Variants in PDE7B observed in about 807,000 individuals in gnomAD.
The protein encoded by PDE7B is phosphodiesterase 7B.
A neutral mutation model predicts 56.2 loss-of-function variants in PDE7B; 29 were observed. The ratio of observed to expected loss-of-function variants is 0.52; its 90% CI spans 0.38 to 0.70. PDE7B has a LOEUF of 0.70. Among genes scored for constraint, PDE7B ranks in the 30% least tolerant of loss-of-function variants. PDE7B has a pLI of 0.00. For synonymous variants in PDE7B, 197 were observed against 196.9 expected (o/e 1.00, Z 0.00); for missense variants, 490 against 565.0 (o/e 0.87, Z 1.35).
chr6:135,918,027 G>A (rs147757261), intron 1 of PDE7B, among the ~76,000 whole-genome samples: 82 of 152,294 alleles, frequency 5.4e-4, no homozygotes, highest in Middle Eastern at 3.4e-3. Context: ...CCCTGGACAT[G>A]AACGAGGAGG....
At chr6:135,982,457 T>A (rs1775313562) in intron 2 of PDE7B, among the ~76,000 whole-genome samples, 1 of 152,262 alleles carries the variant, frequency 6.6e-6, no homozygotes, top group Middle Eastern at 3.4e-3. Flanking sequence ...AGGGAGAGAA[T>A]CTGTCTGGCC....
rs1022224381 is a variant in PDE7B, at chr6:136,194,583, T to G, written c.*2743T>G. The G allele has an allele frequency of 3.3e-5, 5 of 152,168 alleles. No homozygotes were observed. The highest frequency in any genetic ancestry group is 7.2e-5 in the African/African-American group (3 of 41,438). The allele number at this position is 152,168 out of a possible 1,614,324, so 9.4% of individuals were successfully genotyped here. On this transcript the variant is annotated 3_prime_UTR_variant, in exon 13 of 13. Coordinates refer to ENST00000308191, the MANE Select transcript of PDE7B (RefSeq NM_018945.4). The stretch of plus-strand genomic sequence containing the variant: ...TAGTGGCTGTCTTGCAATATTTCAA[T>G]AGGAGTCCAATTACTAGTTAAAACA...
intron 8 of PDE7B, among the ~76,000 whole-genome samples, chr6:136,157,091 T>G (rs1778621416): frequency 6.6e-6 from 1 of 152,150 alleles, no homozygotes; most frequent in African/African-American, 2.4e-5. Flanking sequence ...CTTGGGAAAT[T>G]TAAGTGTTTT....
intron 2 of PDE7B, among the ~76,000 whole-genome samples, chr6:136,103,615 C>T (rs1002498552): frequency 3.3e-5 from 5 of 152,200 alleles, no homozygotes; most frequent in African/African-American, 4.8e-5. Flanking sequence ...ATGAGAGCTG[C>T]TTCTTTCCCA....
chr6:136,135,611 G>T (rs1283007188), intron 3 of PDE7B, among the ~76,000 whole-genome samples: 2 of 151,966 alleles, frequency 1.3e-5, no homozygotes, highest in Non-Finnish European at 2.9e-5. Context: ...GACACAGTAA[G>T]AAATAAACAA....
In PDE7B at chr6:136,192,963, G is replaced by T. The variant is rs189166064; in HGVS notation, c.*1123G>T. ...AGGAAACATTTTGGAAACTTCACAT[G>T]CATTCCGCTTGAGACCATAGTGTTT... On this transcript the variant is annotated 3_prime_UTR_variant, in exon 13 of 13. Transcript: ENST00000308191. The T allele has an allele frequency of 1.7e-4, 26 of 152,330 alleles. No homozygotes were observed. The highest frequency in any genetic ancestry group is 5.8e-4 in the African/African-American group (24 of 41,550). The allele number at this position is 152,330 out of a possible 1,614,324, so 9.4% of individuals were successfully genotyped here. A position where few individuals can be genotyped will look rare whatever the true frequency, so the allele number is the denominator to read the frequency against.
At chr6:136,106,030 A>G (rs1190661189) in intron 2 of PDE7B, among the ~76,000 whole-genome samples, 1 of 151,902 alleles carries the variant, frequency 6.6e-6, no homozygotes, top group Non-Finnish European at 1.5e-5. Flanking sequence ...TTGTAGATAA[A>G]ATCTATACAG....
intron 2 of PDE7B, among the ~76,000 whole-genome samples, chr6:136,012,128 C>A (rs1369794544): frequency 6.6e-6 from 1 of 152,052 alleles, no homozygotes; most frequent in African/African-American, 2.4e-5. Flanking sequence ...CTCTCAGCAC[C>A]CCTCCCCAGA....
chr6:135,928,483 T>TTATATATATATTTATATATA (rs1187835633), intron 1 of PDE7B, among the ~76,000 whole-genome samples: 17 of 96,848 alleles, frequency 1.8e-4, no homozygotes, highest in Non-Finnish European at 2.5e-4. Flanking sequence ...ATATATATAT[T>TTATATATATATTTATATATA]TATTTATATA....
intron 2 of PDE7B, among the ~76,000 whole-genome samples, chr6:136,079,984 G>C (rs1185591775): frequency 2.0e-5 from 3 of 152,002 alleles, no homozygotes; most frequent in African/African-American, 4.8e-5. Context: ...CAATTAAAGA[G>C]CAACAAGGTC....
At chr6:136,109,262 C>T (rs1777706353) in intron 3 of PDE7B, among the ~76,000 whole-genome samples, 1 of 152,118 alleles carries the variant, frequency 6.6e-6, no homozygotes, top group African/African-American at 2.4e-5. Flanking sequence ...TAGCTTGATC[C>T]CAGGAGGTCA....
chr6:135,879,471 A>C (rs1371372051), intron 1 of PDE7B, among the ~76,000 whole-genome samples: 2 of 152,174 alleles, frequency 1.3e-5, no homozygotes, highest in East Asian at 3.8e-4. Context: ...ATACTGTAAG[A>C]CTGGCAAAAA....
At chr6:136,121,892 T>C (rs535695980) in intron 3 of PDE7B, among the ~76,000 whole-genome samples, 5 of 152,316 alleles carry the variant, frequency 3.3e-5, no homozygotes, top group South Asian at 2.1e-4. Flanking sequence ...TATTGCATAG[T>C]TGGAGGGACG....
intron 2 of PDE7B, among the ~76,000 whole-genome samples, chr6:136,092,946 C>A (rs1241321447): frequency 6.6e-6 from 1 of 152,178 alleles, no homozygotes; most frequent in Non-Finnish European, 1.5e-5. Context: ...TCTCAACACA[C>A]AAACACACAC....
intron 2 of PDE7B, among the ~76,000 whole-genome samples, chr6:136,089,432 C>A (rs1343989747): frequency 6.6e-6 from 1 of 152,166 alleles, no homozygotes; most frequent in Non-Finnish European, 1.5e-5. Context: ...GTGCTTCTAC[C>A]TCCTGCAATT....
At position 136,129,536 on chromosome 6, in the gene PDE7B, T is replaced by A. The variant is rs1397015692; in HGVS notation, c.167-17815T>A. Reference sequence around the variant, plus strand: ...GAAGGCCACTGTTTTTGGCTCTTGCTGCTATGGAAGGACAGGAGTGAGCTC... The same window carrying A: ...GAAGGCCACTGTTTTTGGCTCTTGCAGCTATGGAAGGACAGGAGTGAGCTC... On this transcript the variant is annotated intron_variant, in intron 3 of 12. Coordinates refer to ENST00000308191, the MANE Select transcript of PDE7B (RefSeq NM_018945.4). Among the ~76,000 whole-genome samples the A allele has an allele frequency of 2.6e-5, 4 of 152,206 alleles. No homozygotes were observed. In the South Asian group the frequency reaches 8.3e-4, roughly 32 times the overall value.
intron 1 of PDE7B, among the ~76,000 whole-genome samples, chr6:135,905,411 G>C (rs1260966447): frequency 6.6e-6 from 1 of 151,666 alleles, no homozygotes; most frequent in African/African-American, 2.4e-5. Context: ...TAAGAAAATT[G>C]AGCAGGAGGG....
chr6:136,137,187 T>C (rs976762888), intron 3 of PDE7B, among the ~76,000 whole-genome samples: 2 of 151,900 alleles, frequency 1.3e-5, no homozygotes, highest in African/African-American at 4.8e-5. Flanking sequence ...GGGCAGGAGT[T>C]TGAGGTTGTA....
At chr6:136,115,428 G>A (rs572974497) in intron 3 of PDE7B, among the ~76,000 whole-genome samples, 11 of 152,074 alleles carry the variant, frequency 7.2e-5, no homozygotes, top group African/African-American at 2.7e-4. Flanking sequence ...TAAGAAACCA[G>A]GAAAACATTG....
Sources: gnomAD v4.1 joint callset for allele counts (sites outside exome capture counted in the v4.1 genomes callset) on GRCh38, gnomAD v4.1.1 for gene constraint, MANE v1.5 for transcripts, NCBI Gene and HGNC (gene_info 2026-07-23, HGNC 2026-07-21) for gene names.